The following AFG2A variants were observed in gnomAD, a reference collection of about 807,000 sequenced individuals.
The protein encoded by AFG2A is ATPase family gene 2 protein homolog A.
chr4:123,238,625 A>G, the AFG2A span, among the ~76,000 whole-genome samples: 1 of 152,236 alleles, frequency 6.6e-6, no homozygotes, highest in African/African-American at 2.4e-5. Flanking sequence ...ACAAACCAAA[A>G]GGAATAGCAT....
At chr4:123,145,010 G>A in the AFG2A span, among the ~76,000 whole-genome samples, 57 of 152,044 alleles carry the variant, frequency 3.7e-4, no homozygotes, top group East Asian at 6.4e-3. Context: ...GATCCACTCA[G>A]CATTTAATGC....
the AFG2A span, chr4:123,057,063 C>T: frequency 1.5e-6 from 1 of 677,432 alleles, no homozygotes; most frequent in Non-Finnish European, 2.5e-6. Flanking sequence ...AAGTTCTGAA[C>T]ATCTATTACA....
the AFG2A span, among the ~76,000 whole-genome samples, chr4:122,990,144 A>T: frequency 6.6e-6 from 1 of 152,158 alleles, no homozygotes; most frequent in African/African-American, 2.4e-5. Flanking sequence ...GGGATTACAG[A>T]TGTGAGCTAC....
chr4:122,950,669 G>T, the AFG2A span, among the ~76,000 whole-genome samples: 3 of 152,340 alleles, frequency 2.0e-5, no homozygotes, highest in South Asian at 6.2e-4. Flanking sequence ...GACGCTGTAG[G>T]CTGCACACAT....
chr4:123,123,392 T>C, the AFG2A span, among the ~76,000 whole-genome samples: 1 of 152,232 alleles, frequency 6.6e-6, no homozygotes, highest in East Asian at 1.9e-4. Flanking sequence ...AGCACTTTAA[T>C]CTTTTAACTT....
chr4:123,135,063 G>A, the AFG2A span, among the ~76,000 whole-genome samples: 1 of 152,144 alleles, frequency 6.6e-6, no homozygotes, highest in African/African-American at 2.4e-5. Flanking sequence ...TTTACCAGTA[G>A]ATCAAGTGGG....
the AFG2A span, among the ~76,000 whole-genome samples, chr4:123,059,648 T>A: frequency 6.6e-6 from 1 of 151,162 alleles, no homozygotes; most frequent in African/African-American, 2.4e-5. Context: ...GCATGATTTA[T>A]AGTCCTTTGA....
At chr4:123,050,557 A>T in the AFG2A span, among the ~76,000 whole-genome samples, 2 of 151,888 alleles carry the variant, frequency 1.3e-5, no homozygotes, top group African/African-American at 2.4e-5. Context: ...TTATATAATG[A>T]CTTTCTTTGT....
chr4:123,158,124 T>C, the AFG2A span, among the ~76,000 whole-genome samples: 1 of 152,174 alleles, frequency 6.6e-6, no homozygotes, highest in African/African-American at 2.4e-5. Flanking sequence ...GTGTCTTTGG[T>C]GTGTTGAGCC....
chr4:123,012,328 G>A, the AFG2A span, among the ~76,000 whole-genome samples: 1 of 148,606 alleles, frequency 6.7e-6, no homozygotes, highest in East Asian at 2.0e-4. Flanking sequence ...AGGGGTATGG[G>A]GTGCTTGCCC....
the AFG2A span, among the ~76,000 whole-genome samples, chr4:123,001,320 C>A: frequency 6.6e-6 from 1 of 152,094 alleles, no homozygotes; most frequent in Non-Finnish European, 1.5e-5. Flanking sequence ...CTGCTCTGAT[C>A]TTAGTTATTT....
At chr4:123,227,463 T>A in the AFG2A span, among the ~76,000 whole-genome samples, 1 of 152,216 alleles carries the variant, frequency 6.6e-6, no homozygotes. Flanking sequence ...TTCATTTCAT[T>A]ATGTACCCAG....
At chr4:123,102,662 C>G in the AFG2A span, among the ~76,000 whole-genome samples, 3 of 151,904 alleles carry the variant, frequency 2.0e-5, no homozygotes, top group Non-Finnish European at 4.4e-5. Flanking sequence ...AACGAATGTT[C>G]AGTGTAGCCA....
chr4:123,279,579 G>A, the AFG2A span, among the ~76,000 whole-genome samples: 62 of 152,212 alleles, frequency 4.1e-4, no homozygotes, highest in Non-Finnish European at 6.6e-4. Flanking sequence ...TTTTCTAATA[G>A]GTATAGTAGT....
At chr4:122,992,509 T>G in the AFG2A span, among the ~76,000 whole-genome samples, 1 of 152,258 alleles carries the variant, frequency 6.6e-6, no homozygotes, top group Non-Finnish European at 1.5e-5. Flanking sequence ...CCAGATTATT[T>G]CTGCAGATGG....
the AFG2A span, among the ~76,000 whole-genome samples, chr4:123,001,228 A>C: frequency 6.6e-6 from 1 of 151,774 alleles, no homozygotes; most frequent in African/African-American, 2.4e-5. Context: ...GCGGTGTATC[A>C]ATTTTGTTCA....
chr4:123,302,580 CT>C, the AFG2A span, among the ~76,000 whole-genome samples: 81,181 of 148,848 alleles, frequency 0.55, 24,961 homozygotes, highest in Non-Finnish European at 0.67. Context: ...AGCAGGAGAC[CT>C]TTTTTTTTTT....
chr4:123,267,763 T>C, the AFG2A span, among the ~76,000 whole-genome samples: 3 of 152,074 alleles, frequency 2.0e-5, no homozygotes. Flanking sequence ...CTTGTCTATA[T>C]TTTATGACAT....
At chr4:123,160,297 G>A in the AFG2A span, among the ~76,000 whole-genome samples, 6 of 152,178 alleles carry the variant, frequency 3.9e-5, no homozygotes, top group Admixed American at 1.3e-4. Flanking sequence ...AGACCTGCCC[G>A]TAGCCATCAG....
Sources: allele counts gnomAD v4.1 joint callset (sites outside exome capture counted in the v4.1 genomes callset), GRCh38; gene constraint gnomAD v4.1.1; transcripts MANE v1.5; gene names NCBI Gene and HGNC (gene_info 2026-07-23, HGNC 2026-07-21).